The following WHRN variants were observed in gnomAD, a reference collection of about 807,000 sequenced individuals.
WHRN encodes whirlin, also known as CASK-interacting protein CIP98.
Under a neutral mutation model 68.3 loss-of-function variants are expected in WHRN, and 41 were observed. The observed-to-expected ratio is 0.60, with a 90% confidence interval of 0.47 to 0.78. The LOEUF is 0.78. WHRN is among the 30% of genes least tolerant of loss of function. The probability of loss-of-function intolerance (pLI) is 0.00; values close to 1 mark genes in which losing one functional copy is unlikely to be tolerated. For missense variants in WHRN, 1,243 were observed against 1,244.7 expected (o/e 1.00, Z 0.02); for synonymous variants, 560 against 561.3 (o/e 1.00, Z 0.03).
chr9:114,417,552 G>A (rs1476612251), intron 7 of WHRN, among the ~76,000 whole-genome samples: 5 of 152,228 alleles, frequency 3.3e-5, no homozygotes, highest in Admixed American at 6.5e-5. Flanking sequence ...GGAAACCCAC[G>A]AAGAGGTTAA....
intron 1 of WHRN, chr9:114,503,629 A>G (rs1352263460): frequency 1.9e-5 from 3 of 153,920 alleles, no homozygotes; most frequent in Non-Finnish European, 4.3e-5. Flanking sequence ...TATTTGGTCC[A>G]GTGGCCCCAT....
chr9:114,428,662 C>T (rs907518294), intron 3 of WHRN, among the ~76,000 whole-genome samples: 14 of 152,196 alleles, frequency 9.2e-5, no homozygotes, highest in Non-Finnish European at 1.6e-4. Flanking sequence ...TTGGGGACCA[C>T]GTGATATCGC....
intron 3 of WHRN, among the ~76,000 whole-genome samples, chr9:114,451,019 T>C (rs1204501782): frequency 6.6e-6 from 1 of 152,194 alleles, no homozygotes; most frequent in Non-Finnish European, 1.5e-5. Context: ...ATTAGCTAAC[T>C]ATCCCTTCTT....
chr9:114,501,324 G>C (rs1333429542), intron 1 of WHRN, among the ~76,000 whole-genome samples: 1 of 152,138 alleles, frequency 6.6e-6, no homozygotes, highest in Non-Finnish European at 1.5e-5. Context: ...ATCTGGACCT[G>C]TCACTGCTGA....
intron 2 of WHRN, among the ~76,000 whole-genome samples, chr9:114,469,090 GA>G (rs1257694352): frequency 6.6e-6 from 1 of 152,230 alleles, no homozygotes; most frequent in East Asian, 1.9e-4. Flanking sequence ...TGTGAGGGAT[GA>G]ATGGGTCCAT....
chr9:114,478,251 G>A (rs1198893023), intron 2 of WHRN: 18 of 647,508 alleles, frequency 2.8e-5, no homozygotes, highest in Admixed American at 7.5e-5. Context: ...TCTCGTGACC[G>A]CATTCCAGCC....
intron 7 of WHRN, among the ~76,000 whole-genome samples, chr9:114,408,711 G>A (rs898732975): frequency 6.6e-6 from 1 of 152,248 alleles, no homozygotes; most frequent in Non-Finnish European, 1.5e-5. Context: ...CCACCACTGT[G>A]ATGATTAGCT....
intron 2 of WHRN, among the ~76,000 whole-genome samples, chr9:114,475,742 A>T (rs1453071823): frequency 6.6e-6 from 1 of 152,100 alleles, no homozygotes; most frequent in Non-Finnish European, 1.5e-5. Flanking sequence ...CTTACCCAGG[A>T]TCCAGCAGCC....
chr9:114,437,420 G>T (rs1837954683), intron 3 of WHRN, among the ~76,000 whole-genome samples: 1 of 152,070 alleles, frequency 6.6e-6, no homozygotes, highest in Admixed American at 6.5e-5. Flanking sequence ...TAAAACTTTT[G>T]TATTAAAAAA....
chr9:114,440,155 C>T lies in WHRN; in HGVS notation c.964-13742G>A, dbSNP rs201462668. Among the ~76,000 whole-genome samples the T allele has an allele frequency of 1.7e-4, 26 of 152,302 alleles. No homozygotes were observed. In the South Asian group the frequency reaches 4.6e-3, roughly 27 times the overall value. ...CTTGAATTCCTGACCTCAAGTGATC[C>T]GCCCACCTTGGTCTCCCAAAGTGCT... is the stretch of plus-strand genomic sequence containing the variant. On this transcript the variant is annotated intron_variant, in intron 3 of 11. Transcript: ENST00000362057.
At chr9:114,428,219 G>A (rs1030220859) in intron 3 of WHRN, among the ~76,000 whole-genome samples, 1 of 152,190 alleles carries the variant, frequency 6.6e-6, no homozygotes, top group African/African-American at 2.4e-5. Flanking sequence ...CCAGCTACTC[G>A]GGAGGCTGAG....
chr9:114,434,518 C>T lies in WHRN; in HGVS notation c.964-8105G>A, dbSNP rs575155778. ...CCTAAACACAGCCCCAGATCAAACC[C>T]CTGACCTTTCCTCCAAGCCTGGTCC... On this transcript the variant is annotated intron_variant, in intron 3 of 11. Transcript: ENST00000362057. Among the ~76,000 whole-genome samples, 6 of 36,680 alleles carry T rather than the reference C, an allele frequency of 1.6e-4. No homozygotes were observed. In the East Asian group the frequency reaches 3.9e-3, roughly 24 times the overall value. 24.1% of individuals were successfully genotyped at this position (36,680 alleles called of 152,430 possible).
rs1839405804 is a variant in WHRN, at chr9:114,452,281, G to A, written c.963+13986C>T. 3.3e-5 allele frequency among the ~76,000 whole-genome samples: 5 copies of A among 152,318 alleles called. No homozygotes were observed. In the South Asian group the frequency reaches 1.0e-3, roughly 32 times the overall value. On this transcript the variant is annotated intron_variant, in intron 3 of 11. Transcript: ENST00000362057. ...GGGTTCCAAATCTAAAAAGCAGAGTGTGCAGAAACATCGGGCAGGTGTCAC... is the reference window on the plus strand; with the variant it reads ...GGGTTCCAAATCTAAAAAGCAGAGTATGCAGAAACATCGGGCAGGTGTCAC...
Position 114,504,576 on chromosome 9 carries a change from G to A in WHRN, c.226C>T (p.Arg76Cys). Reference protein sequence around the residue: ...HARRNVFDLVRTLRVLLDSPV... With the variant: ...HARRNVFDLVCTLRVLLDSPV... ...CTGTCCAGCAGCACGCGCAGGGTGC[G>A]CACCAGGTCGAAGACGTTGCGGCGC... The change falls in exon 1 of 12, where the codon CGC becomes TGC. Residue 76 changes from arginine to cysteine, a missense_variant. Coordinates refer to ENST00000362057, the MANE Select transcript of WHRN (RefSeq NM_015404.4). 6.2e-7 allele frequency: 1 copy of A among 1,611,470 alleles called. No homozygotes were observed.
At chr9:114,504,055 A>AT in intron 1 of WHRN, 129 bp downstream of exon 1, 2 of 1,196,338 alleles carry the variant, frequency 1.7e-6, no homozygotes, top group Admixed American at 7.2e-5. Flanking sequence ...GTTTTAAAGT[A>AT]TTAAAAAAAA....
At chr9:114,451,491 G>T (rs966567937) in intron 3 of WHRN, among the ~76,000 whole-genome samples, 1 of 152,178 alleles carries the variant, frequency 6.6e-6, no homozygotes, top group Non-Finnish European at 1.5e-5. Context: ...TCAATAAATA[G>T]TTGCTTTTAT....
intron 7 of WHRN, among the ~76,000 whole-genome samples, chr9:114,418,857 G>C (rs761146875): frequency 1.3e-5 from 2 of 152,062 alleles, no homozygotes; most frequent in Non-Finnish European, 2.9e-5. Flanking sequence ...TTAGCTTACT[G>C]TGTATTTCAG....
rs1296777021 is a variant in WHRN at position 114,406,477 on chromosome 9, G to A, written c.2114C>T (p.Pro705Leu). 2 of 1,614,040 alleles carry A rather than the reference G, an allele frequency of 1.2e-6. No individual in the cohort carries two copies. The highest frequency in any genetic ancestry group is 2.2e-5 in the East Asian group (1 of 44,884). The part of the protein sequence containing the change: ...EATVAGGCLL[P>L]PSPSGHPDQT... ...GTCTGGGTGGCCAGAGGGTGATGGG[G>A]GCAGAAGGCAGCCCCCAGCCACTGT... The change falls in exon 9 of 12, where the codon CCC (proline) becomes CTC (leucine). Residue 705 changes from proline (P) to leucine (L), a missense_variant. Transcript: ENST00000362057.
intron 7 of WHRN, among the ~76,000 whole-genome samples, chr9:114,411,518 G>A (rs1437000507): frequency 6.6e-6 from 1 of 152,174 alleles, no homozygotes; most frequent in Non-Finnish European, 1.5e-5. Flanking sequence ...AATGCCGTGG[G>A]ATCCTGCCCT....
Sources: gnomAD v4.1 joint callset for allele counts (sites outside exome capture counted in the v4.1 genomes callset) on GRCh38, gnomAD v4.1.1 for gene constraint, MANE v1.5 for transcripts, NCBI Gene and HGNC (gene_info 2026-07-23, HGNC 2026-07-21) for gene names.